ORC4: variants seen among roughly 807,000 people sequenced by gnomAD.
ORC4 encodes origin recognition complex subunit 4.
A neutral mutation model predicts 63.9 loss-of-function variants in ORC4; 55 were observed. The ratio of observed to expected loss-of-function variants is 0.86; its 90% CI spans 0.69 to 1.08. The LOEUF (loss-of-function observed/expected upper bound fraction) is 1.08. Ranked by LOEUF, ORC4 falls within the 50% of genes least tolerant of loss-of-function variation. ORC4 has a pLI of 0.00. For missense variants in ORC4, 511 were observed against 504.4 expected, an observed-to-expected ratio of 1.01 and a Z score of -0.13; for synonymous variants, 150 against 168.5, an observed-to-expected ratio of 0.89 and a Z score of 0.85.
chr2:148,008,629 A>G (rs1216438382), intron 1 of ORC4, among the ~76,000 whole-genome samples: 1 of 152,116 alleles, frequency 6.6e-6, no homozygotes. Context: ...ACTCATTCCA[A>G]TTACCTGCTA....
intron 6 of ORC4, among the ~76,000 whole-genome samples, chr2:147,957,489 A>G (rs1367541412): frequency 6.6e-6 from 1 of 151,898 alleles, no homozygotes; most frequent in Non-Finnish European, 1.5e-5. Flanking sequence ...CATCATGAAA[A>G]TTCAGGTAGG....
At position 147,939,232 on chromosome 2, in the gene ORC4, C is replaced by T. The variant is rs1246524534; in HGVS notation, c.866G>A (p.Arg289Gln). 4 of 1,610,474 alleles carry T rather than the reference C, an allele frequency of 2.5e-6. No homozygotes were observed. The highest frequency in any genetic ancestry group is 1.7e-4 in the Middle Eastern group (1 of 6,056). ...CATAAATGGGTGCGATGCTGTTACT[C>T]GATTTAAAGCAAGCATCTAGGGAAA... The part of the protein sequence containing the change: ...LHMLLMLALN[R>Q]VTASHPFMTA... The change falls in exon 11 of 14, where the codon CGA becomes CAA. Residue 289 changes from arginine to glutamine, a missense_variant. Coordinates refer to ENST00000392857, the MANE Select transcript of ORC4 (RefSeq NM_181741.4).
At chr2:147,938,427 A>C in intron 11 of ORC4, 34 bp from the exon 12 acceptor site, 1 of 1,188,880 alleles carries the variant, frequency 8.4e-7, no homozygotes, top group South Asian at 1.2e-5. Context: ...TATCAGTTTA[A>C]TGACATATAA....
intron 1 of ORC4, among the ~76,000 whole-genome samples, chr2:147,985,815 T>C (rs573968565): frequency 1.3e-5 from 2 of 152,224 alleles, no homozygotes; most frequent in East Asian, 3.9e-4. Context: ...TGACTAGCAA[T>C]GGTATACAAT....
chr2:148,017,392 C>T (rs867974982), intron 1 of ORC4, among the ~76,000 whole-genome samples: 49 of 152,324 alleles, frequency 3.2e-4, no homozygotes, highest in African/African-American at 1.1e-3. Context: ...GCAGCTAATG[C>T]CGGGTGCAGT....
rs73964126 is a variant in ORC4, at chr2:147,947,907, A to G, written c.762+144T>C. 120 of 640,180 alleles carry G rather than the reference A, an allele frequency of 1.9e-4. No homozygotes were observed. The African/African-American group carries it at 2.0e-3, about 10-fold the overall frequency. 39.7% of individuals were successfully genotyped at this position (640,180 alleles called of 1,614,324 possible). ...AACTGTCTAAGAAGAAAATTTTTAA[A>G]AAGTATATAATTTGTATTACTGCAG... On this transcript the variant is annotated intron_variant, in intron 9 of 13. Coordinates refer to ENST00000392857, the MANE Select transcript of ORC4 (RefSeq NM_181741.4).
intron 1 of ORC4, among the ~76,000 whole-genome samples, chr2:147,978,152 G>T (rs1166503447): frequency 3.3e-5 from 5 of 152,222 alleles, no homozygotes; most frequent in African/African-American, 1.2e-4. Context: ...CCACAGCTGA[G>T]AGGGGCTTAT....
chr2:147,969,725 GA>G (rs1006453173), intron 4 of ORC4, among the ~76,000 whole-genome samples: 12 of 151,586 alleles, frequency 7.9e-5, no homozygotes, highest in African/African-American at 2.7e-4. Flanking sequence ...CTAATCATAA[GA>G]AAAAATGAAA....
Position 147,938,413 on chromosome 2 carries a change from AAAC to A in ORC4, c.959-23_959-21del, listed in dbSNP as rs767982981. ...ATAGACCTACAGTAAAAGGGAAAAA[AAAC>A]TATCAGTTTAATGACATATAAGACT... On this transcript the variant is annotated intron_variant, in intron 11 of 13. Coordinates refer to ENST00000392857, the MANE Select transcript of ORC4 (RefSeq NM_181741.4). 2 of 1,350,922 alleles carry A rather than the reference AAAC, an allele frequency of 1.5e-6. No homozygotes were observed. The highest frequency in any genetic ancestry group is 2.1e-6 in the Non-Finnish European group (2 of 941,876). The allele number at this position is 1,350,922 out of a possible 1,614,324, so 83.7% of individuals were successfully genotyped here.
chr2:147,942,788 G>GA (rs901449192), intron 10 of ORC4, among the ~76,000 whole-genome samples: 48 of 145,078 alleles, frequency 3.3e-4, no homozygotes, highest in East Asian at 3.2e-3. Context: ...AGATTGGAAA[G>GA]AAAAAAAAAA....
At chr2:147,970,748 A>T (rs935386469) in intron 4 of ORC4, among the ~76,000 whole-genome samples, 3 of 152,154 alleles carry the variant, frequency 2.0e-5, no homozygotes, top group Non-Finnish European at 4.4e-5. Context: ...ATAGGAAAAA[A>T]TCTACATGAC....
At chr2:147,975,553 A>G (rs997921922) in intron 2 of ORC4, among the ~76,000 whole-genome samples, 3 of 151,906 alleles carry the variant, frequency 2.0e-5, no homozygotes, top group Non-Finnish European at 4.4e-5. Context: ...AGTAAAAGCT[A>G]GAATTCTGAC....
chr2:147,951,798 G>C (rs1398414888), intron 8 of ORC4, among the ~76,000 whole-genome samples: 1 of 152,176 alleles, frequency 6.6e-6, no homozygotes, highest in Non-Finnish European at 1.5e-5. Flanking sequence ...AAAAAGGCCT[G>C]TACTGCTGTC....
intron 10 of ORC4, among the ~76,000 whole-genome samples, chr2:147,940,884 C>T (rs895546930): frequency 6.6e-6 from 1 of 152,030 alleles, no homozygotes; most frequent in Admixed American, 6.6e-5. Flanking sequence ...TCTATGACTA[C>T]TTTACCTGCT....
At chr2:147,970,610 A>G (rs1250095860) in intron 4 of ORC4, among the ~76,000 whole-genome samples, 1 of 131,532 alleles carries the variant, frequency 7.6e-6, no homozygotes, top group African/African-American at 2.8e-5. Flanking sequence ...TTGGGCATTC[A>G]TTTGCAAAAA....
In ORC4 at chr2:147,930,635, C is replaced by G. The variant is rs909541323; in HGVS notation, c.*4875G>C. ...GTTATTTTCGCTTTACTCTGTATTT[C>G]TTGTGTTTTGGGCACAGGTTATTGT... On this transcript the variant is annotated 3_prime_UTR_variant, in exon 14 of 14. Coordinates refer to ENST00000392857, the MANE Select transcript of ORC4 (RefSeq NM_181741.4). 1.3e-5 allele frequency: 2 copies of G among 152,220 alleles called. No homozygotes were observed. Among genetic ancestry groups the G allele is most frequent in the Non-Finnish European group, 2.9e-5 (2 of 67,922 alleles). The allele number at this position is 152,220 out of a possible 1,614,324, so 9.4% of individuals were successfully genotyped here. A position where few individuals can be genotyped will look rare whatever the true frequency, so the allele number is the denominator to read the frequency against.
chr2:147,973,568 A>G (rs966618472), intron 2 of ORC4, 44 bp from the exon 3 acceptor site: 2 of 1,060,778 alleles, frequency 1.9e-6, no homozygotes, highest in Admixed American at 3.7e-5. Flanking sequence ...AATATTACAC[A>G]TGATATAAAA....
chr2:147,985,263 C>A (rs186292967), intron 1 of ORC4, among the ~76,000 whole-genome samples: 24 of 152,244 alleles, frequency 1.6e-4, no homozygotes, highest in African/African-American at 5.8e-4. Flanking sequence ...GTGGCGCTAT[C>A]TCGGCTCACT....
intron 1 of ORC4, among the ~76,000 whole-genome samples, chr2:147,983,531 C>G (rs1370090357): frequency 7.9e-5 from 12 of 152,122 alleles, no homozygotes; most frequent in African/African-American, 2.9e-4. Context: ...GCCTGTAGAT[C>G]AGGGGGTCAT....
Sources: gnomAD v4.1 joint callset for allele counts (sites outside exome capture counted in the v4.1 genomes callset) on GRCh38, gnomAD v4.1.1 for gene constraint, MANE v1.5 for transcripts, NCBI Gene and HGNC (gene_info 2026-07-23, HGNC 2026-07-21) for gene names.